Variants in ARMCX4 observed in about 807,000 individuals in gnomAD.
The protein encoded by ARMCX4 is armadillo repeat containing X-linked 4.
Under a neutral mutation model 34.7 loss-of-function variants are expected in ARMCX4, and 3 were observed. The ratio of observed to expected loss-of-function variants is 0.09; its 90% CI spans 0.04 to 0.22. ARMCX4 has a LOEUF of 0.22. Ranked by LOEUF, ARMCX4 falls within the 10% of genes least tolerant of loss-of-function variation. The probability of loss-of-function intolerance (pLI) is 1.00; values close to 1 mark genes in which losing one functional copy is unlikely to be tolerated. For missense variants in ARMCX4, 1,448 were observed against 1,720.8 expected (o/e 0.84, Z 2.81); for synonymous variants, 513 against 632.8 (o/e 0.81, Z 2.84).
At chrX:101,474,899 G>C (rs1244354904) in intron 4 of ARMCX4, among the ~76,000 whole-genome samples, 6 of 101,456 alleles carry the variant, frequency 5.9e-5, no homozygotes, top group African/African-American at 1.1e-4. Context: ...AAAACTGGCA[G>C]AAGACAGGGA....
At chrX:101,516,457 C>A (rs1229227492) in intron 11 of ARMCX4, 1 of 111,672 alleles carries the variant, frequency 9.0e-6, no homozygotes, top group African/African-American at 3.3e-5. Flanking sequence ...CACAAAATGT[C>A]TTTTTCTCTT....
chrX:101,535,113 T>G (rs1935197891), downstream of ARMCX4, among the ~76,000 whole-genome samples: 2 of 111,510 alleles, frequency 1.8e-5, no homozygotes, highest in Admixed American at 1.9e-4. Context: ...TGAGAGGTTT[T>G]CTTGGGGGGC....
At chrX:101,504,330 A>C (rs1303684356) in intron 7 of ARMCX4, among the ~76,000 whole-genome samples, 1 of 111,503 alleles carries the variant, frequency 9.0e-6, no homozygotes, top group Admixed American at 9.6e-5. Context: ...GAAGAAAGTC[A>C]TTGGTAGCTT....
intron 2 of ARMCX4, among the ~76,000 whole-genome samples, chrX:101,436,187 A>C (rs1456366020): frequency 5.5e-5 from 6 of 108,111 alleles, no homozygotes; most frequent in African/African-American, 1.0e-4. Flanking sequence ...GAAGAAAGTC[A>C]TTGGTAGCTT....
At chrX:101,448,753 C>T (rs995456440), downstream of ARMCX4, among the ~76,000 whole-genome samples, 14 of 109,691 alleles carry the variant, frequency 1.3e-4, no homozygotes, top group Admixed American at 1.1e-3. Flanking sequence ...CCACCATGCC[C>T]GGCTAATTTT....
In ARMCX4 at chrX:101,424,142, C is replaced by T. The variant is rs781881174; in HGVS notation, n.164+5142C>T. On this transcript the variant is annotated intron_variant and non_coding_transcript_variant, in intron 2 of 3. Coordinates refer to the ARMCX4 transcript ENST00000430461. ...CCTCCCAAAGTGCTGGGATTACAGG[C>T]GTGAGCCACCGTGCCTGGCTGTAAA... Among the ~76,000 whole-genome samples the T allele has an allele frequency of 8.8e-4, 98 of 111,181 alleles. 2 individuals are homozygous for T. The Admixed American group carries it at 9.2e-3, about 10-fold the overall frequency.
downstream of ARMCX4, among the ~76,000 whole-genome samples, chrX:101,448,231 T>C (rs1387903601): frequency 2.7e-5 from 3 of 112,324 alleles, no homozygotes; most frequent in African/African-American, 6.5e-5. Context: ...ATTTTCTTTA[T>C]CCACTCATCT....
intron 11 of ARMCX4, among the ~76,000 whole-genome samples, chrX:101,515,885 C>T (rs1188503323): frequency 1.8e-5 from 2 of 110,591 alleles, no homozygotes; most frequent in South Asian, 3.9e-4. Flanking sequence ...ATTGACTATC[C>T]GTGTTCTCTT....
rs1556009558 is a variant in ARMCX4 at position 101,492,224 on chromosome X, G to T, written c.3635G>T (p.Trp1212Leu). Residue 1212 changes from tryptophan to leucine, a missense_variant, in exon 6 of 6, where the codon TGG becomes TTG. This residue lies in a region of ARMCX4 where 1,343 missense variants were observed against 1,540.7 expected (regional missense o/e 0.87). Coordinates refer to ENST00000423738, the MANE Select transcript of ARMCX4 (RefSeq NM_001256155.3). ...GGGGACAAGGCCAGTGGAGGAGCCT[G>T]GACTGGGGCTGAGAACCAGGCCAGT... ...WAGDKASGGA[W>L]TGAENQASGG... is the part of the protein sequence containing the mutation. 8.8e-7 allele frequency: 1 copy of T among 1,142,027 alleles called. No homozygotes were observed. Among genetic ancestry groups the T allele is most frequent in the Non-Finnish European group, 1.2e-6 (1 of 865,611 alleles). The allele number at this position is 1,142,027 out of a possible 1,213,427, so 94.1% of individuals were successfully genotyped here.
intron 11 of ARMCX4, among the ~76,000 whole-genome samples, chrX:101,519,706 C>T (rs782489078): frequency 9.0e-6 from 1 of 111,648 alleles, no homozygotes; most frequent in South Asian, 3.7e-4. Context: ...ATTGCTGGAT[C>T]ATATGGTAGT....
chrX:101,441,095 C>T (rs1356377758), intron 2 of ARMCX4, among the ~76,000 whole-genome samples: 1 of 111,152 alleles, frequency 9.0e-6, no homozygotes, highest in Non-Finnish European at 1.9e-5. Flanking sequence ...TGGAGCTGTT[C>T]CTATTCGGCC....
At position 101,492,271 on chromosome X, in the gene ARMCX4, G is replaced by A. The variant is rs1556009615; in HGVS notation, c.3682G>A (p.Gly1228Arg). 8.7e-7 allele frequency: 1 copy of A among 1,143,179 alleles called. No individual in the cohort carries two copies. The allele number at this position is 1,143,179 out of a possible 1,213,427, so 94.2% of individuals were successfully genotyped here. ...CAGTGGGGGGTCTTGGGCTCTCGCT[G>A]GGAATCAGGCCATTGGAGAGCTTTG... is the stretch of plus-strand genomic sequence containing the variant. ...QASGGSWALA[G>R]NQAIGELWAA... Residue 1228 changes from glycine to arginine, a missense_variant, in exon 6 of 6, where the codon GGG becomes AGG. Coordinates refer to ENST00000423738, the MANE Select transcript of ARMCX4 (RefSeq NM_001256155.3).
At position 101,492,062 on chromosome X, in the gene ARMCX4, G is replaced by A; in HGVS notation, c.3473G>A (p.Cys1158Tyr). 1 of 1,153,527 alleles carries A rather than the reference G, an allele frequency of 8.7e-7. No individual in the cohort carries two copies. The highest frequency in any genetic ancestry group is 1.1e-6 in the Non-Finnish European group (1 of 871,392). The change falls in exon 6 of 6, where the codon TGT becomes TAT. Residue 1158 changes from cysteine to tyrosine, a missense_variant. Coordinates refer to ENST00000423738, the MANE Select transcript of ARMCX4 (RefSeq NM_001256155.3). ...AGIIRSWAVACDETSVKSWAG... is the reference protein window; with the variant it reads ...AGIIRSWAVAYDETSVKSWAG... ...ATTATTCGGTCTTGGGCTGTGGCTT[G>A]TGATGAGACCAGTGTTAAGTCCTGG...
downstream of ARMCX4, among the ~76,000 whole-genome samples, chrX:101,446,828 C>T (rs1214797922): frequency 9.0e-6 from 1 of 110,736 alleles, no homozygotes; most frequent in Non-Finnish European, 1.9e-5. Context: ...GTGGCAGGCA[C>T]CTATAATCCC....
At chrX:101,480,165 CACACACACACAT>C (rs2147646932) in intron 4 of ARMCX4, among the ~76,000 whole-genome samples, 2 of 105,946 alleles carry the variant, frequency 1.9e-5, no homozygotes, top group African/African-American at 6.8e-5. Flanking sequence ...CACACACACA[CACACACACACAT>C]ATATATGCAA....
At position 101,491,211 on chromosome X, in the gene ARMCX4, C is replaced by T. The variant is rs1195276351; in HGVS notation, c.2622C>T (p.Ala874=). 6.1e-6 allele frequency: 7 copies of T among 1,154,548 alleles called. No homozygotes were observed. The East Asian group carries it at 2.0e-4, about 32-fold the overall frequency. Residue 874 remains alanine, a synonymous_variant, in exon 6 of 6, where the codon GCC becomes GCT. Transcript: ENST00000423738. ...TVGSTQPQVL[A]SSQRETLPGA... ...GCTCTACCCAGCCTCAGGTTTTGGC[C>T]AGCTCCCAGCGTGAGACCTTGCCTG...
At position 101,485,459 on chromosome X, in the gene ARMCX4, C is replaced by T; in HGVS notation, c.-508C>T. Reference sequence around the variant, plus strand: ...CGCAGCCTTCGTTGCAGTCGTCACTCGCATCTGGCTACCAGCTCCCCGCTG... The same window carrying T: ...CGCAGCCTTCGTTGCAGTCGTCACTTGCATCTGGCTACCAGCTCCCCGCTG... On this transcript the variant is annotated 5_prime_UTR_variant, in exon 1 of 6. Transcript: ENST00000423738. 1 of 678,613 alleles carries T rather than the reference C, an allele frequency of 1.5e-6. No homozygotes were observed. Among genetic ancestry groups the T allele is most frequent in the Non-Finnish European group, 1.8e-6 (1 of 569,954 alleles). 55.9% of individuals were successfully genotyped at this position (678,613 alleles called of 1,213,427 possible). A position where few individuals can be genotyped will look rare whatever the true frequency, so the allele number is the denominator to read the frequency against.
At chrX:101,462,954 TG>T (rs1335610302) in intron 4 of ARMCX4, among the ~76,000 whole-genome samples, 1 of 111,800 alleles carries the variant, frequency 8.9e-6, no homozygotes, top group Non-Finnish European at 1.9e-5. Context: ...TGCCAGTGGG[TG>T]GTCATTCCAG....
chrX:101,473,196 CA>C (rs1383359551), intron 4 of ARMCX4, among the ~76,000 whole-genome samples: 50 of 110,453 alleles, frequency 4.5e-4, no homozygotes, highest in Non-Finnish European at 6.8e-4. Context: ...CAACAAAGAT[CA>C]AAAGAGACAA....
Sources: allele counts gnomAD v4.1 joint callset (sites outside exome capture counted in the v4.1 genomes callset), GRCh38; gene constraint gnomAD v4.1.1; regional missense constraint gnomAD v4.1.1; transcripts MANE v1.5; gene names NCBI Gene and HGNC (gene_info 2026-07-23, HGNC 2026-07-21).